SUZ12: variants seen among roughly 807,000 people sequenced by gnomAD.
SUZ12 encodes SUZ12 polycomb repressive complex 2 subunit.
In SUZ12, 17 loss-of-function variants were observed where a neutral mutation model predicts 87.3. That is an observed-to-expected ratio of 0.19 (90% CI 0.13 to 0.29). The LOEUF (loss-of-function observed/expected upper bound fraction) is 0.29. Ranked by LOEUF, SUZ12 falls within the 10% of genes least tolerant of loss-of-function variation. The pLI is 1.00. For synonymous variants in SUZ12, 253 were observed against 312.4 expected, an observed-to-expected ratio of 0.81 and a Z score of 2.01; for missense variants, 526 against 912.2, an observed-to-expected ratio of 0.58 and a Z score of 5.45.
At chr17:31,966,028 A>T in intron 4 of SUZ12, 119 bp from the exon 5 acceptor site, 1 of 849,322 alleles carries the variant, frequency 1.2e-6, no homozygotes, top group East Asian at 2.7e-5. Flanking sequence ...ATAACAGTTG[A>T]GTACAAATAT....
intron 10 of SUZ12, among the ~76,000 whole-genome samples, chr17:31,988,931 G>C (rs1162482857): frequency 6.6e-6 from 1 of 151,576 alleles, no homozygotes; most frequent in African/African-American, 2.4e-5. Flanking sequence ...ATTTAGCCAG[G>C]TGTGGTGGCG....
intron 10 of SUZ12, among the ~76,000 whole-genome samples, chr17:31,990,121 A>ATTTTTT (rs59793925): frequency 6.3e-4 from 63 of 99,822 alleles, no homozygotes; most frequent in African/African-American, 2.5e-3. Flanking sequence ...TGCCCGGCTA[A>ATTTTTT]TTTTTTTTTT....
At chr17:31,950,406 CG>C (rs1383776564) in intron 4 of SUZ12, among the ~76,000 whole-genome samples, 1 of 152,074 alleles carries the variant, frequency 6.6e-6, no homozygotes, top group Non-Finnish European at 1.5e-5. Context: ...TAACACAGGC[CG>C]GGCATAGTGG....
intron 3 of SUZ12, among the ~76,000 whole-genome samples, chr17:31,944,966 G>T (rs1256221528): frequency 6.6e-6 from 1 of 151,342 alleles, no homozygotes. Flanking sequence ...TACTCAGGAG[G>T]CTGAGGCAGG....
chr17:31,940,372 T>C, intron 2 of SUZ12, 40 bp downstream of exon 2: 3 of 1,593,380 alleles, frequency 1.9e-6, no homozygotes, highest in Admixed American at 1.9e-5. Context: ...ATTTCTCTCT[T>C]ATAACTGCAT....
intron 5 of SUZ12, among the ~76,000 whole-genome samples, chr17:31,970,256 C>T (rs1447046170): frequency 6.6e-6 from 1 of 152,132 alleles, no homozygotes; most frequent in Non-Finnish European, 1.5e-5. Context: ...GTGTTTTTAT[C>T]CTGGATGCAA....
rs990996922 is a variant in SUZ12, at chr17:32,000,832, A to C, written c.*1829A>C. On this transcript the variant is annotated 3_prime_UTR_variant, in exon 16 of 16. Coordinates refer to ENST00000322652, the MANE Select transcript of SUZ12 (RefSeq NM_015355.4). ...TTTATGTCATCGTAAAAGCTGAAAA[A>C]ATCCCTTTGTTTCTATTTATAAAAA... 4.4e-6 allele frequency: 1 copy of C among 226,992 alleles called. No individual in the cohort carries two copies. Among genetic ancestry groups the C allele is most frequent in the African/African-American group, 2.2e-5 (1 of 44,990 alleles). The allele number at this position is 226,992 out of a possible 1,614,324, so 14.1% of individuals were successfully genotyped here. A position where few individuals can be genotyped will look rare whatever the true frequency, so the allele number is the denominator to read the frequency against.
chr17:31,946,593 C>T (rs927268993), intron 3 of SUZ12, among the ~76,000 whole-genome samples: 6 of 152,108 alleles, frequency 3.9e-5, no homozygotes, highest in Non-Finnish European at 5.9e-5. Flanking sequence ...TGAGATTATT[C>T]GTAATTTTTG....
chr17:31,956,682 A>G (rs1434657981), intron 4 of SUZ12, among the ~76,000 whole-genome samples: 1 of 152,088 alleles, frequency 6.6e-6, no homozygotes, highest in East Asian at 1.9e-4. Flanking sequence ...CTTCTCGCCT[A>G]GTATTGTGGT....
intron 4 of SUZ12, among the ~76,000 whole-genome samples, chr17:31,960,530 G>T (rs1382731603): frequency 4.6e-5 from 7 of 151,866 alleles, no homozygotes; most frequent in Non-Finnish European, 8.8e-5. Context: ...TTTTAGGTGA[G>T]GAAGGGGAAA....
intron 4 of SUZ12, among the ~76,000 whole-genome samples, chr17:31,948,587 G>T (rs1473049670): frequency 6.6e-6 from 1 of 152,050 alleles, no homozygotes. Context: ...CCATTGTTCT[G>T]TTGACTGGTA....
intron 11 of SUZ12, 151 bp downstream of exon 11, chr17:31,993,484 C>T (rs1330115972): frequency 1.6e-6 from 1 of 621,588 alleles, no homozygotes; most frequent in East Asian, 3.1e-5. Flanking sequence ...TGCAGTGGTG[C>T]AGTCTTGGCT....
intron 5 of SUZ12, among the ~76,000 whole-genome samples, chr17:31,968,074 G>A (rs1185582751): frequency 6.6e-6 from 1 of 152,186 alleles, no homozygotes; most frequent in East Asian, 1.9e-4. Context: ...GGAGGCTGAG[G>A]TGGGAGGATT....
intron 4 of SUZ12, among the ~76,000 whole-genome samples, chr17:31,959,356 G>A (rs2449783): frequency 1.3e-5 from 2 of 152,194 alleles, no homozygotes; most frequent in Admixed American, 1.3e-4. Flanking sequence ...TCCTTTGTTT[G>A]CTTCACAGTA....
At chr17:31,986,544 T>TATTTGTTTTG (rs1555593853) in intron 9 of SUZ12, among the ~76,000 whole-genome samples, 1 of 150,536 alleles carries the variant, frequency 6.6e-6, no homozygotes, top group African/African-American at 2.4e-5. Flanking sequence ...TCTAAGTAGT[T>TATTTGTTTTG]TTTTGTTTTG....
Position 31,937,117 on chromosome 17 carries a change from C to T in SUZ12, c.-130C>T, listed in dbSNP as rs545220885. The T allele has an allele frequency of 2.2e-4, 171 of 767,180 alleles. 1 individual carries two copies. In the East Asian group the frequency reaches 2.7e-3, roughly 12 times the overall value. 47.5% of individuals were successfully genotyped at this position (767,180 alleles called of 1,614,324 possible). A position where few individuals can be genotyped will look rare whatever the true frequency, so the allele number is the denominator to read the frequency against. ...CTCTCCTCCTCCCTTCCCTTCCCCT[C>T]TCCTCCCCTCTCTCCTCCTTCCCCC... On this transcript the variant is annotated 5_prime_UTR_variant, in exon 1 of 16. Transcript: ENST00000322652.
chr17:31,973,090 A>G (rs1197241184), intron 5 of SUZ12, 56 bp from the exon 6 acceptor site: 30 of 1,459,904 alleles, frequency 2.1e-5, no homozygotes, highest in Middle Eastern at 2.1e-4. Flanking sequence ...TAGCAAAATG[A>G]ATACCTTGTT....
chr17:31,985,244 A>C (rs1369343135), intron 9 of SUZ12, among the ~76,000 whole-genome samples: 1 of 151,358 alleles, frequency 6.6e-6, no homozygotes, highest in Non-Finnish European at 1.5e-5. Flanking sequence ...TTGTATATAT[A>C]GTCTTTAACA....
At chr17:31,938,931 A>G (rs1196728143) in intron 1 of SUZ12, among the ~76,000 whole-genome samples, 1 of 152,208 alleles carries the variant, frequency 6.6e-6, no homozygotes, top group Non-Finnish European at 1.5e-5. Flanking sequence ...AAGTTTAAAT[A>G]CTTGAATGTA....
Sources: allele counts gnomAD v4.1 joint callset (sites outside exome capture counted in the v4.1 genomes callset), GRCh38; gene constraint gnomAD v4.1.1; transcripts MANE v1.5; gene names NCBI Gene and HGNC (gene_info 2026-07-23, HGNC 2026-07-21).